Variants in CTIF observed in about 807,000 individuals in gnomAD.
CTIF encodes the protein cap binding complex dependent translation initiation factor, also known as CBP80/20-dependent translation initiation factor.
A neutral mutation model predicts 66.0 loss-of-function variants in CTIF; 21 were observed. The observed-to-expected ratio is 0.32, with a 90% CI of 0.23 to 0.46. The LOEUF (loss-of-function observed/expected upper bound fraction) is 0.46. CTIF is among the 20% of genes least tolerant of loss of function. The pLI is 1.00. For missense variants in CTIF, 739 were observed against 812.7 expected, an observed-to-expected ratio of 0.91 and a Z score of 1.10; for synonymous variants, 345 against 326.4, an observed-to-expected ratio of 1.06 and a Z score of -0.62.
chr18:48,594,867 G>A (rs988836162), intron 1 of CTIF, among the ~76,000 whole-genome samples: 5 of 152,336 alleles, frequency 3.3e-5, no homozygotes, highest in African/African-American at 1.2e-4. Flanking sequence ...CCCTGAGGAT[G>A]TGCTGCAAGT....
chr18:48,558,713 G>A lies in CTIF; in HGVS notation c.-29+19401G>A, dbSNP rs181768937. Among the ~76,000 whole-genome samples, 7 of 152,248 alleles carry A rather than the reference G, an allele frequency of 4.6e-5. No individual in the cohort carries two copies. The East Asian group carries it at 1.2e-3, about 25-fold the overall frequency. On this transcript the variant is annotated intron_variant, in intron 1 of 11. Coordinates refer to ENST00000256413, the MANE Select transcript of CTIF (RefSeq NM_014772.3). The stretch of plus-strand genomic sequence containing the variant: ...TTCTTAAACAGCAACTTGTTATCTA[G>A]GATTTTGGTCATCAGAAACTTCTCA...
At chr18:48,721,234 C>T (rs903400992) in intron 7 of CTIF, among the ~76,000 whole-genome samples, 7 of 152,164 alleles carry the variant, frequency 4.6e-5, no homozygotes, top group Non-Finnish European at 1.5e-5. Context: ...GACGTAGGGG[C>T]ACATGTCTAG....
At chr18:48,652,846 T>C (rs1443622339) in intron 3 of CTIF, among the ~76,000 whole-genome samples, 1 of 152,164 alleles carries the variant, frequency 6.6e-6, no homozygotes, top group African/African-American at 2.4e-5. Flanking sequence ...ATAAATGTAA[T>C]CCATCACATA....
chr18:48,569,052 CTCTG>C (rs1425854919), intron 1 of CTIF, among the ~76,000 whole-genome samples: 2 of 152,160 alleles, frequency 1.3e-5, no homozygotes, highest in South Asian at 2.1e-4. Context: ...TTTCCTCTGG[CTCTG>C]TCTGTGTCCC....
intron 9 of CTIF, among the ~76,000 whole-genome samples, chr18:48,805,522 T>G (rs1190238533): frequency 6.6e-6 from 1 of 151,978 alleles, no homozygotes; most frequent in African/African-American, 2.4e-5. Context: ...TGACGTCAAC[T>G]GTGACCCCAC....
At chr18:48,841,722 C>G (rs1342115377) in intron 10 of CTIF, among the ~76,000 whole-genome samples, 1 of 152,244 alleles carries the variant, frequency 6.6e-6, no homozygotes, top group African/African-American at 2.4e-5. Context: ...CAGCCCGGTG[C>G]CTGGGAAGCG....
chr18:48,765,681 C>G (rs973214604), intron 9 of CTIF, among the ~76,000 whole-genome samples: 1 of 152,194 alleles, frequency 6.6e-6, no homozygotes, highest in Admixed American at 6.5e-5. Context: ...GGTCCTTTAA[C>G]CCTTCCCAGC....
chr18:48,743,479 A>G (rs1280262585), intron 7 of CTIF, among the ~76,000 whole-genome samples: 1 of 152,236 alleles, frequency 6.6e-6, no homozygotes, highest in East Asian at 1.9e-4. Context: ...TATGCCTTAT[A>G]TAGTCAAACT....
chr18:48,805,346 A>G (rs975127206), intron 9 of CTIF, among the ~76,000 whole-genome samples: 1 of 148,292 alleles, frequency 6.7e-6, no homozygotes, highest in Non-Finnish European at 1.5e-5. Context: ...CATGGGGGCC[A>G]GGCCGCAGGC....
intron 7 of CTIF, among the ~76,000 whole-genome samples, chr18:48,751,953 ATTCATTC>A (rs1907862287): frequency 1.4e-5 from 1 of 73,468 alleles, no homozygotes. Context: ...TTATTCATTC[ATTCATTC>A]ATTCATTCAT....
chr18:48,787,450 C>T lies in CTIF; in HGVS notation c.1371+25761C>T, dbSNP rs909724369. ...GAAGAGAAAAAGCACCAGGAGCTTT[C>T]CTTAGTCAATCATCTGCCTGCAGGT... On this transcript the variant is annotated intron_variant, in intron 9 of 11. Transcript: ENST00000256413. Among the ~76,000 whole-genome samples the T allele has an allele frequency of 2.0e-5, 3 of 152,134 alleles. No homozygotes were observed. The East Asian group carries it at 5.8e-4, about 29-fold the overall frequency.
At position 48,730,564 on chromosome 18, in the gene CTIF, CT is replaced by C. The variant is rs1163070436; in HGVS notation, c.584+18871del. 3.5e-3 allele frequency among the ~76,000 whole-genome samples: 131 copies of C among 37,114 alleles called. 42 individuals are homozygous for C. The highest frequency in any genetic ancestry group is 5.7e-3 in the Non-Finnish European group (96 of 16,930). The allele number at this position is 37,114 out of a possible 152,430, so 24.3% of individuals were successfully genotyped here. ...TGAGGGGCTTCTGCTGTGTGAGGGG[CT>C]TCTGCGGTGTGAGGGGCCCCTGTGG... On this transcript the variant is annotated intron_variant, in intron 7 of 11. Transcript: ENST00000256413.
intron 9 of CTIF, among the ~76,000 whole-genome samples, chr18:48,768,654 A>G (rs112573104): frequency 0.038 from 5,785 of 152,320 alleles, 117 homozygotes; most frequent in Middle Eastern, 0.044. Flanking sequence ...TCATGCCTGT[A>G]ATCCCAGCAC....
At chr18:48,676,469 G>T (rs1378471314) in intron 6 of CTIF, among the ~76,000 whole-genome samples, 2 of 152,204 alleles carry the variant, frequency 1.3e-5, no homozygotes, top group African/African-American at 4.8e-5. Context: ...CAAATTCTGT[G>T]TCTGTTGGCC....
chr18:48,817,204 C>T lies in CTIF; in HGVS notation c.1372-17C>T, dbSNP rs2068382932. On this transcript the variant is annotated splice_polypyrimidine_tract_variant and intron_variant, in intron 9 of 11. Coordinates refer to ENST00000256413, the MANE Select transcript of CTIF (RefSeq NM_014772.3). ...CCCAGCCCCGGGAGGCTGACGCGGTCTCTCATGCCTCCACAGAAGGACTTC... is the reference window on the plus strand; with the variant it reads ...CCCAGCCCCGGGAGGCTGACGCGGTTTCTCATGCCTCCACAGAAGGACTTC... The T allele has an allele frequency of 1.9e-6, 3 of 1,610,416 alleles. No individual in the cohort carries two copies. In the African/African-American group the frequency reaches 4.0e-5, roughly 21 times the overall value.
intron 10 of CTIF, among the ~76,000 whole-genome samples, chr18:48,839,124 G>T (rs2068879368): frequency 6.6e-6 from 1 of 152,072 alleles, no homozygotes; most frequent in Non-Finnish European, 1.5e-5. Flanking sequence ...CCACTTTTCT[G>T]CCTCTCCACG....
intron 1 of CTIF, among the ~76,000 whole-genome samples, chr18:48,575,012 T>C (rs191507121): frequency 2.0e-5 from 3 of 152,308 alleles, no homozygotes; most frequent in Non-Finnish European, 2.9e-5. Flanking sequence ...GAACTGGGTA[T>C]GACCAGGTTT....
chr18:48,802,614 G>T (rs944434878), intron 9 of CTIF, among the ~76,000 whole-genome samples: 10 of 152,258 alleles, frequency 6.6e-5, no homozygotes, highest in South Asian at 2.1e-4. Flanking sequence ...CAGGAAAGCT[G>T]CAGGAAGTGC....
chr18:48,698,976 G>A (rs553235598), intron 6 of CTIF, among the ~76,000 whole-genome samples: 2 of 152,232 alleles, frequency 1.3e-5, no homozygotes, highest in Non-Finnish European at 2.9e-5. Flanking sequence ...ATGAAACCAC[G>A]GATTGGCTTC....
Sources: gnomAD v4.1 joint callset for allele counts (sites outside exome capture counted in the v4.1 genomes callset) on GRCh38, gnomAD v4.1.1 for gene constraint, MANE v1.5 for transcripts, NCBI Gene and HGNC (gene_info 2026-07-23, HGNC 2026-07-21) for gene names.